Variants in GNAL observed in about 807,000 individuals in gnomAD.
GNAL encodes the protein G protein subunit alpha L.
GNAL carries 18 observed loss-of-function variants against 55.1 expected under a neutral mutation model. The ratio of observed to expected loss-of-function variants is 0.33; its 90% CI spans 0.23 to 0.48. The LOEUF (loss-of-function observed/expected upper bound fraction) is 0.48, where lower values mean the gene tolerates loss of function less well. GNAL is among the 20% of genes least tolerant of loss of function. The pLI is 0.99. For synonymous variants in GNAL, 253 were observed against 237.0 expected (o/e 1.07, Z -0.62); for missense variants, 412 against 614.1 (o/e 0.67, Z 3.48).
At chr18:11,780,474 G>T (rs901419368) in intron 4 of GNAL, among the ~76,000 whole-genome samples, 1 of 151,564 alleles carries the variant, frequency 6.6e-6, no homozygotes, top group Admixed American at 6.6e-5. Context: ...TTACAGTTTT[G>T]TTGCCAGAAC....
intron 5 of GNAL, among the ~76,000 whole-genome samples, chr18:11,826,252 GC>G (rs1219890289): frequency 2.1e-5 from 3 of 141,552 alleles, no homozygotes; most frequent in African/African-American, 2.5e-5. Context: ...AGGAGGAGGA[GC>G]GGGGAGGGGG....
At chr18:11,755,429 T>A (rs1009043804) in intron 4 of GNAL, among the ~76,000 whole-genome samples, 4 of 151,994 alleles carry the variant, frequency 2.6e-5, no homozygotes, top group African/African-American at 7.3e-5. Context: ...GCCCGCCACC[T>A]CACCCGGCTA....
At chr18:11,703,147 T>A (rs952363035) in intron 1 of GNAL, among the ~76,000 whole-genome samples, 9 of 152,048 alleles carry the variant, frequency 5.9e-5, no homozygotes, top group African/African-American at 2.2e-4. Context: ...AAAAAAACCA[T>A]ATTTGTAGAG....
chr18:11,806,146 C>G (rs1269117695), intron 4 of GNAL, among the ~76,000 whole-genome samples: 2 of 152,092 alleles, frequency 1.3e-5, no homozygotes, highest in Non-Finnish European at 2.9e-5. Flanking sequence ...TGTATGTCTT[C>G]TTTTTAAAAG....
chr18:11,780,853 AAATT>A (rs796854757), intron 4 of GNAL, among the ~76,000 whole-genome samples: 8 of 152,322 alleles, frequency 5.3e-5, no homozygotes, highest in African/African-American at 1.9e-4. Context: ...ATTACAATGA[AAATT>A]AGCCAGAAAC....
chr18:11,864,701 G>A (rs1259369459), intron 7 of GNAL, 95 bp downstream of exon 7: 19 of 772,064 alleles, frequency 2.5e-5, no homozygotes, highest in Middle Eastern at 3.2e-4. Context: ...TCCTGAATGT[G>A]CATGGCAGCC....
chr18:11,707,385 C>T (rs997858819), intron 1 of GNAL, among the ~76,000 whole-genome samples: 4 of 152,138 alleles, frequency 2.6e-5, no homozygotes, highest in Admixed American at 6.5e-5. Context: ...CTTGGGTTAC[C>T]GGGTGCACAG....
intron 5 of GNAL, among the ~76,000 whole-genome samples, chr18:11,861,734 C>T (rs1236925125): frequency 6.6e-6 from 1 of 152,166 alleles, no homozygotes; most frequent in Non-Finnish European, 1.5e-5. Context: ...CCTTCCTTGG[C>T]TCCCATCCTG....
chr18:11,773,971 G>C (rs550771364), intron 4 of GNAL, among the ~76,000 whole-genome samples: 1 of 152,282 alleles, frequency 6.6e-6, no homozygotes, highest in Admixed American at 6.5e-5. Flanking sequence ...TCTATGCTCA[G>C]TTTCCTCATC....
At chr18:11,878,908 T>C (rs2036593328) in intron 11 of GNAL, among the ~76,000 whole-genome samples, 1 of 150,088 alleles carries the variant, frequency 6.7e-6, no homozygotes, top group Admixed American at 6.7e-5. Flanking sequence ...ACTTACTGTG[T>C]ATGTGCCAAA....
chr18:11,780,322 A>G (rs1171313876), intron 4 of GNAL, among the ~76,000 whole-genome samples: 1 of 152,072 alleles, frequency 6.6e-6, no homozygotes, highest in East Asian at 1.9e-4. Context: ...CCTAACACGT[A>G]AGACCTTTTT....
chr18:11,839,237 TC>T (rs1327857987), intron 5 of GNAL, among the ~76,000 whole-genome samples: 4 of 152,136 alleles, frequency 2.6e-5, no homozygotes, highest in Non-Finnish European at 4.4e-5. Flanking sequence ...AGCCCAGTAT[TC>T]CTATGTATAC....
intron 5 of GNAL, among the ~76,000 whole-genome samples, chr18:11,855,138 C>T (rs1012992823): frequency 1.3e-5 from 2 of 152,128 alleles, no homozygotes; most frequent in African/African-American, 2.4e-5. Context: ...GGGGTTTCAC[C>T]ATGTTGGCCA....
At chr18:11,824,544 C>T (rs2035189221) in intron 4 of GNAL, among the ~76,000 whole-genome samples, 2 of 151,800 alleles carry the variant, frequency 1.3e-5, no homozygotes, top group South Asian at 4.2e-4. Context: ...AAAAATTAGC[C>T]AGGCACAGTG....
intron 1 of GNAL, among the ~76,000 whole-genome samples, chr18:11,733,568 G>C (rs1019244793): frequency 6.6e-6 from 1 of 152,146 alleles, no homozygotes; most frequent in Non-Finnish European, 1.5e-5. Flanking sequence ...AAGCAAATGT[G>C]GTACTTATAC....
intron 5 of GNAL, among the ~76,000 whole-genome samples, chr18:11,847,019 T>A (rs1262603694): frequency 6.6e-6 from 1 of 151,318 alleles, no homozygotes; most frequent in African/African-American, 2.4e-5. Context: ...TAATATTATA[T>A]ATGTATGTAA....
chr18:11,838,295 C>G (rs370948321), intron 5 of GNAL, among the ~76,000 whole-genome samples: 58 of 152,230 alleles, frequency 3.8e-4, no homozygotes, highest in African/African-American at 1.4e-3. Context: ...GTCAAAGCCA[C>G]CAGACACAAA....
At position 11,884,358 on chromosome 18, in the gene GNAL, T is replaced by C; in HGVS notation, c.*3223T>C. On this transcript the variant is annotated 3_prime_UTR_variant, in exon 12 of 12. Coordinates refer to ENST00000334049, the MANE Select transcript of GNAL (RefSeq NM_182978.4). Reference sequence around the variant, plus strand: ...TGCTGTGCAGAGAGACGGCCTGTAATTGGTCTCATCATCCACTTGATTCTA... The same window carrying C: ...TGCTGTGCAGAGAGACGGCCTGTAACTGGTCTCATCATCCACTTGATTCTA... 2 of 1,283,850 alleles carry C rather than the reference T, an allele frequency of 1.6e-6. No homozygotes were observed. The highest frequency in any genetic ancestry group is 1.3e-5 in the South Asian group (1 of 75,482). The allele number at this position is 1,283,850 out of a possible 1,614,324, so 79.5% of individuals were successfully genotyped here. A position where few individuals can be genotyped will look rare whatever the true frequency, so the allele number is the denominator to read the frequency against.
chr18:11,880,428 G>A (rs966294904), intron 11 of GNAL, among the ~76,000 whole-genome samples: 2 of 151,606 alleles, frequency 1.3e-5, no homozygotes, highest in African/African-American at 2.4e-5. Context: ...AATTAGCCAG[G>A]CGTGGGCACG....
Sources: allele counts gnomAD v4.1 joint callset (sites outside exome capture counted in the v4.1 genomes callset), GRCh38; gene constraint gnomAD v4.1.1; transcripts MANE v1.5; gene names NCBI Gene and HGNC (gene_info 2026-07-23, HGNC 2026-07-21).